WWOX: variants seen among roughly 807,000 people sequenced by gnomAD.
WWOX encodes WW domain containing oxidoreductase, also known as WW domain-containing oxidoreductase.
Under a neutral mutation model 46.2 loss-of-function variants are expected in WWOX, and 69 were observed. That is an observed-to-expected ratio of 1.49 (90% CI 1.23 to 1.82). WWOX has a LOEUF of 1.82. WWOX is among the 40% of genes most tolerant of loss of function. The pLI, the probability that WWOX is intolerant of heterozygous loss-of-function variation, is 0.00. For missense variants in WWOX, 919 were observed against 542.6 expected, an observed-to-expected ratio of 1.69 and a Z score of -6.89; for synonymous variants, 359 against 202.6, an observed-to-expected ratio of 1.77 and a Z score of -6.56.
At chr16:78,401,796 T>A (rs1182131835) in intron 6 of WWOX, among the ~76,000 whole-genome samples, 4 of 152,062 alleles carry the variant, frequency 2.6e-5, no homozygotes, top group Non-Finnish European at 5.9e-5. Flanking sequence ...GCCTCCTGGG[T>A]TCAAGTGATT....
At chr16:78,212,077 G>A (rs1264894799) in intron 5 of WWOX, among the ~76,000 whole-genome samples, 2 of 152,166 alleles carry the variant, frequency 1.3e-5, no homozygotes, top group African/African-American at 4.8e-5. Context: ...GCAAGCAGGT[G>A]AGCATCCTGT....
chr16:78,712,097 C>T (rs773338486), intron 8 of WWOX, among the ~76,000 whole-genome samples: 1 of 152,126 alleles, frequency 6.6e-6, no homozygotes, highest in Non-Finnish European at 1.5e-5. Flanking sequence ...ATTCCTGTAT[C>T]CTTTGTGATG....
chr16:78,960,670 G>A (rs1333699786), intron 8 of WWOX, among the ~76,000 whole-genome samples: 1 of 152,172 alleles, frequency 6.6e-6, no homozygotes, highest in Non-Finnish European at 1.5e-5. Context: ...AGAGCCATCA[G>A]GGACAATAGG....
intron 8 of WWOX, chr16:79,106,511 G>GT (rs562911258): frequency 6.3e-4 from 95 of 150,000 alleles, no homozygotes; most frequent in African/African-American, 2.2e-3. Flanking sequence ...GTATGAGTGC[G>GT]TATTTGGGGA....
At chr16:79,161,593 G>A (rs1452686937) in intron 8 of WWOX, among the ~76,000 whole-genome samples, 2 of 152,132 alleles carry the variant, frequency 1.3e-5, no homozygotes, top group African/African-American at 2.4e-5. Context: ...CGTGATCTTG[G>A]CTCACTGTAG....
intron 8 of WWOX, among the ~76,000 whole-genome samples, chr16:78,479,869 C>T (rs2084445399): frequency 6.6e-6 from 1 of 152,120 alleles, no homozygotes; most frequent in Admixed American, 6.6e-5. Context: ...TAATGTTGAC[C>T]CAGCGGGGCT....
chr16:78,314,898 C>G (rs1156419438), intron 5 of WWOX, among the ~76,000 whole-genome samples: 2 of 151,872 alleles, frequency 1.3e-5, no homozygotes, highest in Non-Finnish European at 2.9e-5. Context: ...TTTCCAGCAA[C>G]CTTCCCTCAC....
intron 4 of WWOX, among the ~76,000 whole-genome samples, chr16:78,152,177 G>T (rs1045151961): frequency 1.4e-5 from 2 of 147,258 alleles, no homozygotes; most frequent in Admixed American, 1.4e-4. Context: ...GCGACAGAGC[G>T]AGACTCCGTC....
rs192804477 is a variant in WWOX at position 78,666,450 on chromosome 16, C to T, written c.1056+233698C>T. On this transcript the variant is annotated intron_variant, in intron 8 of 8. Transcript: ENST00000566780. Reference sequence around the variant, plus strand: ...AGTGTGTCACGCCATTACATGCTTACAGCCTATTTTTACAAAGTTTGAATA... The same window carrying T: ...AGTGTGTCACGCCATTACATGCTTATAGCCTATTTTTACAAAGTTTGAATA... Among the ~76,000 whole-genome samples the T allele has an allele frequency of 1.6e-3, 243 of 152,280 alleles. 1 individual carries two copies. The highest frequency in any genetic ancestry group is 2.4e-3 in the Non-Finnish European group (163 of 68,010).
At chr16:78,701,218 T>C (rs1249900191) in intron 8 of WWOX, among the ~76,000 whole-genome samples, 1 of 152,170 alleles carries the variant, frequency 6.6e-6, no homozygotes, top group South Asian at 2.1e-4. Flanking sequence ...TATTTAGTTA[T>C]CTACTTTACA....
chr16:78,376,940 G>C (rs1292804693), intron 5 of WWOX, among the ~76,000 whole-genome samples: 2 of 152,180 alleles, frequency 1.3e-5, no homozygotes, highest in South Asian at 2.1e-4. Context: ...GACAAATCTT[G>C]TTTTTGTCTT....
chr16:78,557,681 A>G (rs958706024), intron 8 of WWOX, among the ~76,000 whole-genome samples: 5 of 115,808 alleles, frequency 4.3e-5, no homozygotes, highest in East Asian at 2.2e-4. Context: ...GCATTCCTCT[A>G]GGGAAGGATT....
At chr16:78,589,507 C>T (rs1287450611) in intron 8 of WWOX, among the ~76,000 whole-genome samples, 1 of 152,162 alleles carries the variant, frequency 6.6e-6, no homozygotes, top group Non-Finnish European at 1.5e-5. Flanking sequence ...AGCCTCCCTG[C>T]CCATGGCACT....
At chr16:79,201,770 C>T (rs2051357376) in intron 8 of WWOX, among the ~76,000 whole-genome samples, 1 of 147,234 alleles carries the variant, frequency 6.8e-6, no homozygotes, top group African/African-American at 2.5e-5. Flanking sequence ...TTCTTCCATC[C>T]CTATTTATGA....
chr16:78,392,847 C>T (rs1237088442), intron 6 of WWOX, among the ~76,000 whole-genome samples: 1 of 152,162 alleles, frequency 6.6e-6, no homozygotes, highest in South Asian at 2.1e-4. Flanking sequence ...CCTCTGCCCA[C>T]TCTCTGTTTA....
intron 5 of WWOX, among the ~76,000 whole-genome samples, chr16:78,185,277 A>G (rs1266357690): frequency 3.9e-5 from 6 of 152,128 alleles, no homozygotes; most frequent in East Asian, 1.9e-4. Flanking sequence ...TTGATGTTCT[A>G]TTTTTAATGC....
rs576186024 is a variant in WWOX, at chr16:78,982,722, A to T, written c.1057-228886A>T. Among the ~76,000 whole-genome samples the T allele has an allele frequency of 2.7e-4, 41 of 152,310 alleles. 1 individual carries two copies. The South Asian group carries it at 7.1e-3, about 26-fold the overall frequency. On this transcript the variant is annotated intron_variant, in intron 8 of 8. Coordinates refer to ENST00000566780, the MANE Select transcript of WWOX (RefSeq NM_016373.4). ...TGTATGCTTATTTAGTGAGGAGAAA[A>T]TGTGCATTTGAATCCTGCAAACCCT... is the stretch of plus-strand genomic sequence containing the variant.
Position 78,791,527 on chromosome 16 carries a change from G to T in WWOX, c.1056+358775G>T, listed in dbSNP as rs139853861. Among the ~76,000 whole-genome samples, 248 of 152,144 alleles carry T rather than the reference G, an allele frequency of 1.6e-3. 1 individual carries two copies. Among genetic ancestry groups the T allele is most frequent in the African/African-American group, 5.8e-3 (239 of 41,502 alleles). ...GCCTTTCTCTTGTGTTCCCCAGATG[G>T]GTTTCACTGCTCTAAGGATCATACC... On this transcript the variant is annotated intron_variant, in intron 8 of 8. Transcript: ENST00000566780.
intron 8 of WWOX, among the ~76,000 whole-genome samples, chr16:78,662,243 C>T (rs551604438): frequency 1.3e-5 from 2 of 152,140 alleles, no homozygotes; most frequent in Non-Finnish European, 2.9e-5. Flanking sequence ...TTAGAACCTC[C>T]TGCTATCTGT....
Sources: gnomAD v4.1 joint callset for allele counts (sites outside exome capture counted in the v4.1 genomes callset) on GRCh38, gnomAD v4.1.1 for gene constraint, MANE v1.5 for transcripts, NCBI Gene and HGNC (gene_info 2026-07-23, HGNC 2026-07-21) for gene names.